CSMD1: variants seen among roughly 807,000 people sequenced by gnomAD.
CSMD1 encodes CUB and sushi domain-containing protein 1.
Under a neutral mutation model 417.5 loss-of-function variants are expected in CSMD1, and 213 were observed. That is an observed-to-expected ratio of 0.51 (90% CI 0.46 to 0.57). The LOEUF (loss-of-function observed/expected upper bound fraction) is 0.57. Among genes scored for constraint, CSMD1 ranks in the 20% least tolerant of loss-of-function variants. The pLI, the probability that CSMD1 is intolerant of heterozygous loss-of-function variation, is 0.00. For missense variants in CSMD1, 6,923 were observed against 4,529.7 expected (o/e 1.53, Z -15.17); for synonymous variants, 2,862 against 1,736.8 (o/e 1.65, Z -16.11).
At chr8:4,606,882 C>T (rs932022077) in intron 2 of CSMD1, among the ~76,000 whole-genome samples, 5 of 152,104 alleles carry the variant, frequency 3.3e-5, no homozygotes, top group Admixed American at 1.3e-4. Context: ...TAACTCAAAC[C>T]GTGAACTTTC....
chr8:3,576,228 G>C (rs757491099), intron 9 of CSMD1, among the ~76,000 whole-genome samples: 1 of 150,574 alleles, frequency 6.6e-6, no homozygotes, highest in Non-Finnish European at 1.5e-5. Context: ...TTTTCCAAAG[G>C]GACTCAAGAA....
At chr8:3,411,930 A>G (rs796147260) in intron 12 of CSMD1, among the ~76,000 whole-genome samples, 3,171 of 34,250 alleles carry the variant, frequency 0.093, 244 homozygotes, top group Middle Eastern at 0.16. Flanking sequence ...ACGTATATAT[A>G]CACGTATATA....
intron 1 of CSMD1, among the ~76,000 whole-genome samples, chr8:4,834,686 G>C (rs1800354176): frequency 6.6e-6 from 1 of 152,034 alleles, no homozygotes; most frequent in East Asian, 1.9e-4. Flanking sequence ...GCCAGGTGCG[G>C]TGGCTCACTC....
chr8:4,665,831 C>A (rs184886207), intron 1 of CSMD1, among the ~76,000 whole-genome samples: 6 of 152,260 alleles, frequency 3.9e-5, no homozygotes, highest in Non-Finnish European at 8.8e-5. Context: ...ATGTAAAAGT[C>A]TTCCTGTAGA....
At chr8:3,931,189 C>G (rs528795095) in intron 5 of CSMD1, among the ~76,000 whole-genome samples, 3 of 150,714 alleles carry the variant, frequency 2.0e-5, no homozygotes, top group South Asian at 2.2e-4. Flanking sequence ...CCCCTCATAT[C>G]CATTTAGGAA....
At chr8:3,811,580 C>T (rs1267717497) in intron 5 of CSMD1, among the ~76,000 whole-genome samples, 2 of 152,076 alleles carry the variant, frequency 1.3e-5, no homozygotes, top group African/African-American at 4.8e-5. Flanking sequence ...CGGTCAAGGC[C>T]ATCATGGGAC....
chr8:3,410,812 C>T (rs930326256), intron 12 of CSMD1, among the ~76,000 whole-genome samples: 15 of 152,038 alleles, frequency 9.9e-5, no homozygotes, highest in Admixed American at 3.3e-4. Context: ...GATCATAGCT[C>T]ACTGCAACTT....
At chr8:3,838,808 A>G (rs1802891546) in intron 5 of CSMD1, among the ~76,000 whole-genome samples, 1 of 105,846 alleles carries the variant, frequency 9.4e-6, no homozygotes, top group Non-Finnish European at 1.7e-5. Context: ...AATATATAAT[A>G]ATTATATATA....
chr8:3,027,133 T>C (rs1389920085), intron 51 of CSMD1, among the ~76,000 whole-genome samples: 3 of 152,098 alleles, frequency 2.0e-5, no homozygotes, highest in Admixed American at 2.0e-4. Flanking sequence ...ATGTTTAAAA[T>C]ATATATAGTA....
chr8:4,368,615 G>A (rs778220015), intron 3 of CSMD1, among the ~76,000 whole-genome samples: 7 of 151,996 alleles, frequency 4.6e-5, no homozygotes, highest in Admixed American at 1.3e-4. Flanking sequence ...ACTTTTGGTT[G>A]GTAGGCTTTT....
chr8:3,613,253 A>G (rs1325599780), intron 8 of CSMD1: 1 of 423,782 alleles, frequency 2.4e-6, no homozygotes. Flanking sequence ...AGTAGAAAAG[A>G]AATTCAATCC....
intron 3 of CSMD1, among the ~76,000 whole-genome samples, chr8:4,116,967 A>AG (rs1802189903): frequency 6.6e-6 from 1 of 151,966 alleles, no homozygotes; most frequent in Non-Finnish European, 1.5e-5. Flanking sequence ...CAGGCTGGTA[A>AG]GAGGCTACAC....
chr8:4,790,862 C>T (rs1345133214), intron 1 of CSMD1, among the ~76,000 whole-genome samples: 1 of 152,080 alleles, frequency 6.6e-6, no homozygotes, highest in Non-Finnish European at 1.5e-5. Context: ...AAACGGAAAA[C>T]CTAAACTATA....
At chr8:2,993,996 G>A (rs541686098) in intron 54 of CSMD1, among the ~76,000 whole-genome samples, 4,245 of 142,968 alleles carry the variant, frequency 0.03, 88 homozygotes, top group Non-Finnish European at 0.035. Context: ...AAAAAAAAAA[G>A]AAAAAAAATT....
At chr8:4,127,455 A>G (rs1331609942) in intron 3 of CSMD1, among the ~76,000 whole-genome samples, 3 of 1,412 alleles carry the variant, frequency 2.1e-3, no homozygotes, top group African/African-American at 6.3e-3. Context: ...GCATTAATGA[A>G]AAAAAAAAAA....
intron 38 of CSMD1, among the ~76,000 whole-genome samples, chr8:3,159,966 TAC>T (rs1037563475): frequency 6.6e-6 from 1 of 152,104 alleles, no homozygotes; most frequent in Non-Finnish European, 1.5e-5. Flanking sequence ...GAGCAAATAT[TAC>T]AGTTTGGGAA....
At chr8:3,279,688 C>T (rs1217537531) in intron 26 of CSMD1, among the ~76,000 whole-genome samples, 1 of 152,080 alleles carries the variant, frequency 6.6e-6, no homozygotes, top group African/African-American at 2.4e-5. Flanking sequence ...TTCAGCATGG[C>T]TGGGGAGGCC....
chr8:4,080,261 G>T lies in CSMD1; in HGVS notation c.416-48162C>A, dbSNP rs78067915. On this transcript the variant is annotated intron_variant, in intron 3 of 69. Transcript: ENST00000635120. ...TCATCACTGCCTGCTTTTAAACAAT[G>T]ACTCCTACTTGACAAGTGCACACCA... Among the ~76,000 whole-genome samples, 10 of 152,224 alleles carry T rather than the reference G, an allele frequency of 6.6e-5. No homozygotes were observed. The East Asian group carries it at 1.5e-3, about 24-fold the overall frequency.
intron 3 of CSMD1, among the ~76,000 whole-genome samples, chr8:4,054,475 G>C (rs1003186724): frequency 1.3e-5 from 2 of 152,092 alleles, no homozygotes; most frequent in African/African-American, 4.8e-5. Flanking sequence ...AAGAACGACT[G>C]CATTTTGGAA....
Sources: allele counts gnomAD v4.1 joint callset (sites outside exome capture counted in the v4.1 genomes callset), GRCh38; gene constraint gnomAD v4.1.1; transcripts MANE v1.5; gene names NCBI Gene and HGNC (gene_info 2026-07-23, HGNC 2026-07-21).